INTS2: variants seen among roughly 807,000 people sequenced by gnomAD.
INTS2 encodes the protein integrator complex subunit 2.
INTS2 carries 57 observed loss-of-function variants against 139.6 expected under a neutral mutation model. The ratio of observed to expected loss-of-function variants is 0.41; its 90% CI spans 0.33 to 0.51. The LOEUF (loss-of-function observed/expected upper bound fraction) is 0.51. Among genes scored for constraint, INTS2 ranks in the 20% least tolerant of loss-of-function variants. The pLI, the probability that INTS2 is intolerant of heterozygous loss-of-function variation, is 0.28. For missense variants in INTS2, 1,196 were observed against 1,436.7 expected, an observed-to-expected ratio of 0.83 and a Z score of 2.71; for synonymous variants, 473 against 493.4, an observed-to-expected ratio of 0.96 and a Z score of 0.55.
In INTS2 at chr17:61,870,118, C is replaced by T; in HGVS notation, c.2779-130G>A. On this transcript the variant is annotated intron_variant, in intron 20 of 24. Coordinates refer to ENST00000251334, the MANE Select transcript of INTS2 (RefSeq NM_001351695.2). This position sits in a 1 kb window ranked among gnomAD's most constrained non-coding sequence, Gnocchi z 4.4. The stretch of plus-strand genomic sequence containing the variant: ...TTAAACACACATACACAAAGAGGTA[C>T]TTCTAAGAGCAGAACTGAGCAATCT... 1.2e-6 allele frequency: 1 copy of T among 869,536 alleles called. No individual in the cohort carries two copies. 53.9% of individuals were successfully genotyped at this position (869,536 alleles called of 1,614,324 possible).
intron 5 of INTS2, among the ~76,000 whole-genome samples, chr17:61,917,576 T>C (rs918484697): frequency 3.3e-5 from 5 of 152,084 alleles, no homozygotes; most frequent in African/African-American, 9.7e-5. Flanking sequence ...GAGTTAAACA[T>C]TGGGTACACA....
chr17:61,911,941 A>G lies in INTS2; in HGVS notation c.779T>C (p.Val260Ala), dbSNP rs766019802. Residue 260 changes from valine to alanine, a missense_variant and splice_region_variant, in exon 6 of 25, where the codon GTG becomes GCG. By Grantham distance (64) the Val-to-Ala change is moderately conservative. Around this residue, in one of 3 missense-constraint regions of INTS2, gnomAD observed 1,129 missense variants for 1,341.9 expected, o/e 0.84. Coordinates refer to ENST00000251334, the MANE Select transcript of INTS2 (RefSeq NM_001351695.2). ...PSQALKVRGM[V>A]VEECHLPGLG... ...CTAATAAAACACAGGATCACTTACCACCATGCCTCGGACCTTGAGGGCCTG... is the reference window on the plus strand; with the variant it reads ...CTAATAAAACACAGGATCACTTACCGCCATGCCTCGGACCTTGAGGGCCTG... 5.6e-6 allele frequency: 9 copies of G among 1,611,706 alleles called. No homozygotes were observed. Among genetic ancestry groups the G allele is most frequent in the Non-Finnish European group, 7.6e-6 (9 of 1,179,308 alleles).
At chr17:61,890,492 C>T (rs1476228972) in intron 14 of INTS2, among the ~76,000 whole-genome samples, 2 of 151,694 alleles carry the variant, frequency 1.3e-5, no homozygotes, top group Non-Finnish European at 2.9e-5. Context: ...TGCCTGTAAT[C>T]CCTGCTACTC....
chr17:61,872,267 G>C lies in INTS2; in HGVS notation c.2776C>G (p.Gln926Glu), dbSNP rs1235777149. Residue 926 changes from glutamine (Q) to glutamate (E), a missense_variant and splice_region_variant, in exon 20 of 25, where the codon CAG becomes GAG. Gln to Glu is a conservative substitution (Grantham distance 29). Around this residue, in one of 3 missense-constraint regions of INTS2, gnomAD observed 1,129 missense variants for 1,341.9 expected, o/e 0.84. Transcript: ENST00000251334. This position sits in a 1 kb window ranked among gnomAD's most constrained non-coding sequence, Gnocchi z 4.8. ...EELKNALLAAQDSAAVQILLE... is the reference protein window; with the variant it reads ...EELKNALLAAEDSAAVQILLE... ...AATTTTACTTTAGCAAAATTTACCT[G>C]AGCGGCCAGTAATGCATTTTTCAAT... The C allele has an allele frequency of 6.2e-7, 1 of 1,606,898 alleles. No homozygotes were observed. The highest frequency in any genetic ancestry group is 1.1e-5 in the South Asian group (1 of 90,126).
rs183586070 is a variant in INTS2, at chr17:61,917,150, G to A, written c.649+2250C>T. On this transcript the variant is annotated intron_variant, in intron 5 of 24. Coordinates refer to ENST00000251334, the MANE Select transcript of INTS2 (RefSeq NM_001351695.2). ...TCAAAAAATAATAGGTGCTAGCGAG[G>A]CTGTGGAGAAAAGAGAACACTTACA... Among the ~76,000 whole-genome samples the A allele has an allele frequency of 2.4e-4, 37 of 152,316 alleles. No homozygotes were observed. In the East Asian group the frequency reaches 7.1e-3, roughly 29 times the overall value.
chr17:61,920,588 A>T (rs2143162671), intron 4 of INTS2, among the ~76,000 whole-genome samples: 1 of 150,814 alleles, frequency 6.6e-6, no homozygotes, highest in East Asian at 2.0e-4. Context: ...GGCAGATCAC[A>T]AGGTTAAGAA....
chr17:61,888,409 T>C (rs1332753360), intron 15 of INTS2, among the ~76,000 whole-genome samples: 1 of 152,066 alleles, frequency 6.6e-6, no homozygotes, highest in African/African-American at 2.4e-5. Flanking sequence ...ATGTAGGAAG[T>C]ATAAACACAG....
At chr17:61,917,381 C>T (rs964230631) in intron 5 of INTS2, among the ~76,000 whole-genome samples, 6 of 152,166 alleles carry the variant, frequency 3.9e-5, no homozygotes, top group African/African-American at 7.2e-5. Context: ...ATGGAATCAA[C>T]CTTGGTGCCC....
chr17:61,924,885 T>C, intron 3 of INTS2, 76 bp downstream of exon 3: 1 of 1,445,580 alleles, frequency 6.9e-7, no homozygotes, highest in African/African-American at 1.4e-5. Context: ...TGACTTCTTG[T>C]CTCTTTTTCT....
intron 3 of INTS2, among the ~76,000 whole-genome samples, chr17:61,923,279 C>T (rs1459686736): frequency 2.0e-5 from 3 of 151,236 alleles, no homozygotes; most frequent in Non-Finnish European, 4.4e-5. Context: ...AGATCGAGAC[C>T]ATCCTGGCTA....
At chr17:61,891,944 T>C (rs766593001) in intron 13 of INTS2, among the ~76,000 whole-genome samples, 67 of 152,126 alleles carry the variant, frequency 4.4e-4, no homozygotes, top group Non-Finnish European at 4.7e-4. Context: ...AGTTTTTAAG[T>C]AGTGGGAAAA....
rs773023511 is a variant in INTS2 at position 61,907,437 on chromosome 17, G to A, written c.1152C>T (p.Tyr384=). Residue 384 remains tyrosine, a synonymous_variant, in exon 8 of 25, where the codon TAC becomes TAT. Coordinates refer to ENST00000251334, the MANE Select transcript of INTS2 (RefSeq NM_001351695.2). ...GTCCAGCGATCCCCATCAAAGCACAGTACAGACGTAAGAGTGCACTGGCTT... is the reference window on the plus strand; with the variant it reads ...GTCCAGCGATCCCCATCAAAGCACAATACAGACGTAAGAGTGCACTGGCTT... ...VVKASALLRL[Y]CALMGIAGLK... 1 of 1,595,570 alleles carries A rather than the reference G, an allele frequency of 6.3e-7. No homozygotes were observed. The highest frequency in any genetic ancestry group is 8.5e-7 in the Non-Finnish European group (1 of 1,171,024).
rs2079060780 is a variant in INTS2, at chr17:61,868,082, G to C, written c.3245-73C>G. ...AACACAGCTTACACAACATACTAAG[G>C]GGAACTATGCTCTGTGCTGGAGATA... On this transcript the variant is annotated intron_variant, in intron 23 of 24. Transcript: ENST00000251334. This position sits in a 1 kb window ranked among gnomAD's most constrained non-coding sequence, Gnocchi z 4.7. The C allele has an allele frequency of 3.2e-6, 4 of 1,234,532 alleles. No individual in the cohort carries two copies. Among genetic ancestry groups the C allele is most frequent in the African/African-American group, 3.1e-5 (2 of 65,368 alleles). The allele number at this position is 1,234,532 out of a possible 1,614,324, so 76.5% of individuals were successfully genotyped here.
intron 7 of INTS2, 54 bp downstream of exon 7, chr17:61,911,466 T>C: frequency 6.9e-7 from 1 of 1,455,812 alleles, no homozygotes; most frequent in Non-Finnish European, 9.3e-7. Context: ...CTTTCTCTTT[T>C]AGCAGCTGCT....
In INTS2 at chr17:61,869,558, G is replaced by A. The variant is rs1001077853; in HGVS notation, c.3031-178C>T. 5.3e-5 allele frequency among the ~76,000 whole-genome samples: 8 copies of A among 151,052 alleles called. No homozygotes were observed. The highest frequency in any genetic ancestry group is 2.1e-4 in the South Asian group (1 of 4,796). On this transcript the variant is annotated intron_variant, in intron 21 of 24. Coordinates refer to ENST00000251334, the MANE Select transcript of INTS2 (RefSeq NM_001351695.2). This position sits in a 1 kb window ranked among gnomAD's most constrained non-coding sequence, Gnocchi z 5.4. ...GCACTAGAATAGAGATTAAACTATC[G>A]AACATTTCATTAGGTTAAAAAAAAA...
rs1238544501 is a variant in INTS2, at chr17:61,869,401, A to G, written c.3031-21T>C. On this transcript the variant is annotated intron_variant, in intron 21 of 24. Transcript: ENST00000251334. This position sits in a 1 kb window ranked among gnomAD's most constrained non-coding sequence, Gnocchi z 5.4. Reference sequence around the variant, plus strand: ...TAACCCTATCTCAACAAGAAACGGGAAAAAAGTCAGAAATAAAATAACTAT... The same window carrying G: ...TAACCCTATCTCAACAAGAAACGGGGAAAAAGTCAGAAATAAAATAACTAT... 2.1e-6 allele frequency: 3 copies of G among 1,423,286 alleles called. No homozygotes were observed. The highest frequency in any genetic ancestry group is 2.9e-6 in the Non-Finnish European group (3 of 1,029,620). 88.2% of individuals were successfully genotyped at this position (1,423,286 alleles called of 1,614,324 possible).
Position 61,903,474 on chromosome 17 carries a change from T to C in INTS2, c.1307+986A>G, listed in dbSNP as rs112174646. On this transcript the variant is annotated intron_variant, in intron 9 of 24. Coordinates refer to ENST00000251334, the MANE Select transcript of INTS2 (RefSeq NM_001351695.2). ...AGAGCTTTATACTACCAGGTATACC[T>C]GGTAACCATTCCAGACCAAAATGCT... is the stretch of plus-strand genomic sequence containing the variant. 3.2e-4 allele frequency among the ~76,000 whole-genome samples: 49 copies of C among 152,172 alleles called. 2 individuals are homozygous for C. Among genetic ancestry groups the C allele is most frequent in the African/African-American group, 1.1e-3 (45 of 41,560 alleles).
At chr17:61,896,615 G>T (rs902568592) in intron 11 of INTS2, among the ~76,000 whole-genome samples, 1 of 152,012 alleles carries the variant, frequency 6.6e-6, no homozygotes, top group Non-Finnish European at 1.5e-5. Flanking sequence ...GGAAAATTAG[G>T]ATACTGATCA....
chr17:61,900,075 A>C (rs975435049), intron 9 of INTS2, among the ~76,000 whole-genome samples: 2 of 152,248 alleles, frequency 1.3e-5, no homozygotes, highest in African/African-American at 4.8e-5. Context: ...GCATAAACGC[A>C]TAAGATATTG....
Sources: gnomAD v4.1 joint callset for allele counts (sites outside exome capture counted in the v4.1 genomes callset) on GRCh38, gnomAD v4.1.1 for gene constraint, gnomAD v4.1.1 regional missense constraint, Gnocchi (gnomAD v3.1) non-coding constraint, MANE v1.5 for transcripts, NCBI Gene and HGNC (gene_info 2026-07-23, HGNC 2026-07-21) for gene names.